ELK4: variants seen among roughly 807,000 people sequenced by gnomAD.
ELK4 encodes ETS transcription factor ELK4, also known as ETS domain-containing protein Elk-4.
In ELK4, 16 loss-of-function variants were observed where a neutral mutation model predicts 29.6. The ratio of observed to expected loss-of-function variants is 0.54; its 90% confidence interval spans 0.37 to 0.82. The LOEUF (loss-of-function observed/expected upper bound fraction) is 0.82, where lower values mean the gene tolerates loss of function less well. Among genes scored for constraint, ELK4 ranks in the 40% least tolerant of loss-of-function variants. ELK4 has a pLI of 0.00. For synonymous variants in ELK4, 213 were observed against 191.1 expected, an observed-to-expected ratio of 1.11 and a Z score of -0.95; for missense variants, 465 against 507.1, an observed-to-expected ratio of 0.92 and a Z score of 0.80.
At chr1:205,620,894 G>C in intron 2 of ELK4, 56 bp from the exon 3 acceptor site, 2 of 1,506,166 alleles carry the variant, frequency 1.3e-6, no homozygotes, top group South Asian at 1.3e-5. Flanking sequence ...ATATCCCATA[G>C]TTCATGAAAA....
chr1:205,625,040 A>C (rs906506023), intron 1 of ELK4, among the ~76,000 whole-genome samples: 1 of 152,210 alleles, frequency 6.6e-6, no homozygotes, highest in African/African-American at 2.4e-5. Context: ...ACAAAAAAAA[A>C]CAAAAACAAA....
intron 4 of ELK4, among the ~76,000 whole-genome samples, chr1:205,617,069 G>T (rs1670242999): frequency 6.6e-6 from 1 of 152,066 alleles, no homozygotes; most frequent in Non-Finnish European, 1.5e-5. Flanking sequence ...CTAGAAAAGG[G>T]TTCCCCATCA....
rs945499614 is a variant in ELK4, at chr1:205,611,071, A to C, written c.*5475T>G. On this transcript the variant is annotated 3_prime_UTR_variant, in exon 5 of 5. Transcript: ENST00000357992. ...ATTTCCTGTTTTCTGTAGAAAGCTT[A>C]GAGCCAGTATTTCCCCTCTCATACA... 3.7e-5 allele frequency: 8 copies of C among 217,056 alleles called. No individual in the cohort carries two copies. In the Admixed American group the frequency reaches 4.6e-4, roughly 13 times the overall value. 13.4% of individuals were successfully genotyped at this position (217,056 alleles called of 1,614,324 possible).
At position 205,609,603 on chromosome 1, in the gene ELK4, G is replaced by C. The variant is rs957842940; in HGVS notation, c.*6943C>G. ...CACTTAAACAATAAATGTAAGCAAT[G>C]AATGTACATACAAAGGCCACTGGTT... On this transcript the variant is annotated 3_prime_UTR_variant, in exon 5 of 5. Coordinates refer to ENST00000357992, the MANE Select transcript of ELK4 (RefSeq NM_001973.4). 5.0e-6 allele frequency: 1 copy of C among 201,960 alleles called. No individual in the cohort carries two copies. Among genetic ancestry groups the C allele is most frequent in the Non-Finnish European group, 1.0e-5 (1 of 98,062 alleles). The allele number at this position is 201,960 out of a possible 1,614,324, so 12.5% of individuals were successfully genotyped here. A position where few individuals can be genotyped will look rare whatever the true frequency, so the allele number is the denominator to read the frequency against.
chr1:205,626,331 T>C (rs1280677174), intron 1 of ELK4, among the ~76,000 whole-genome samples: 1 of 152,200 alleles, frequency 6.6e-6, no homozygotes, highest in African/African-American at 2.4e-5. Context: ...TGGCATCTCG[T>C]ACCTCTCCTT....
Position 205,620,018 on chromosome 1 carries a change from A to T in ELK4, c.1028T>A (p.Ile343Lys), listed in dbSNP as rs1365938777. The part of the protein sequence containing the change: ...ITSSDPSPLG[I>K]LSPSLPTASL... ...AGCTGTAGGGAGAGATGGGCTCAGT[A>T]TTCCCAGTGGGCTTGGATCACTGCT... Residue 343 changes from isoleucine (I) to lysine (K), a missense_variant, in exon 3 of 5, where the codon ATA (isoleucine) becomes AAA (lysine). Ile to Lys is a moderately radical substitution (Grantham distance 102, BLOSUM62 -3). Transcript: ENST00000357992. The T allele has an allele frequency of 6.2e-7, 1 of 1,614,260 alleles. No individual in the cohort carries two copies. The highest frequency in any genetic ancestry group is 8.5e-7 in the Non-Finnish European group (1 of 1,180,048).
At chr1:205,626,079 CA>C in intron 1 of ELK4, 1 of 1,013,362 alleles carries the variant, frequency 9.9e-7, no homozygotes, top group Non-Finnish European at 1.6e-6. Context: ...CACAATGGGT[CA>C]GCTCTACCAG....
rs1670476649 is a variant in ELK4, at chr1:205,626,923, G to A, written c.-9-3032C>T. Among the ~76,000 whole-genome samples the A allele has an allele frequency of 3.9e-5, 6 of 152,254 alleles. No individual in the cohort carries two copies. The South Asian group carries it at 1.2e-3, about 32-fold the overall frequency. On this transcript the variant is annotated intron_variant, in intron 1 of 4. Coordinates refer to ENST00000357992, the MANE Select transcript of ELK4 (RefSeq NM_001973.4). ...CTAAATGTCCGTCAACTGATGAATG[G>A]ATAAATAATATGTGGCACATTCATA...
At chr1:205,627,201 G>A (rs1670482650) in intron 1 of ELK4, among the ~76,000 whole-genome samples, 1 of 152,104 alleles carries the variant, frequency 6.6e-6, no homozygotes, top group South Asian at 2.1e-4. Context: ...GGTTTCTTTT[G>A]GGGGTGATGA....
chr1:205,625,546 C>A (rs900925265), intron 1 of ELK4: 2 of 816,108 alleles, frequency 2.5e-6, no homozygotes, highest in Non-Finnish European at 4.4e-6. Flanking sequence ...AGCAAGAAGA[C>A]TGGAAAGAAA....
chr1:205,623,847 A>T lies in ELK4; in HGVS notation c.36T>A (p.Leu12=). The T allele has an allele frequency of 6.2e-7, 1 of 1,614,214 alleles. No homozygotes were observed. Among genetic ancestry groups the T allele is most frequent in the South Asian group, 1.1e-5 (1 of 91,088 alleles). ...DSAITLWQFL[L]QLLQKPQNKH... is the part of the protein sequence containing the mutation. ...TGTTCTGAGGCTTCTGCAGGAGCTG[A>T]AGAAGGAACTGCCACAGGGTGATAG... Residue 12 remains leucine (L), a synonymous_variant, in exon 2 of 5, where the codon CTT becomes CTA. Coordinates refer to ENST00000357992, the MANE Select transcript of ELK4 (RefSeq NM_001973.4).
At position 205,609,802 on chromosome 1, in the gene ELK4, C is replaced by G. The variant is rs1670126699; in HGVS notation, c.*6744G>C. 4.6e-6 allele frequency: 1 copy of G among 216,040 alleles called. No individual in the cohort carries two copies. The highest frequency in any genetic ancestry group is 1.9e-4 in the South Asian group (1 of 5,380). The allele number at this position is 216,040 out of a possible 1,614,324, so 13.4% of individuals were successfully genotyped here. A position where few individuals can be genotyped will look rare whatever the true frequency, so the allele number is the denominator to read the frequency against. ...AAAAATCGTAAATTTCTACAAAGCA[C>G]AATATTAAAAGCTTGCAAATTATTT... On this transcript the variant is annotated 3_prime_UTR_variant, in exon 5 of 5. Transcript: ENST00000357992.
At chr1:205,620,883 T>C in intron 2 of ELK4, 45 bp from the exon 3 acceptor site, 1 of 1,533,898 alleles carries the variant, frequency 6.5e-7, no homozygotes. Flanking sequence ...CTTATAAACT[T>C]ATATCCCATA....
intron 4 of ELK4, among the ~76,000 whole-genome samples, chr1:205,617,727 C>T (rs1285969503): frequency 6.6e-6 from 1 of 151,792 alleles, no homozygotes; most frequent in East Asian, 1.9e-4. Flanking sequence ...CATGAAGAAA[C>T]CTCGTCTCTA....
At chr1:205,627,303 A>C (rs1318919626) in intron 1 of ELK4, among the ~76,000 whole-genome samples, 1 of 152,108 alleles carries the variant, frequency 6.6e-6, no homozygotes, top group African/African-American at 2.4e-5. Flanking sequence ...AGGTCAGAAG[A>C]TCGAGACCAT....
In ELK4 at chr1:205,616,201, A is replaced by T; in HGVS notation, c.*345T>A. 3.8e-6 allele frequency: 1 copy of T among 265,808 alleles called. No homozygotes were observed. Among genetic ancestry groups the T allele is most frequent in the Admixed American group, 4.8e-5 (1 of 21,028 alleles). 16.5% of individuals were successfully genotyped at this position (265,808 alleles called of 1,614,324 possible). A position where few individuals can be genotyped will look rare whatever the true frequency, so the allele number is the denominator to read the frequency against. On this transcript the variant is annotated 3_prime_UTR_variant, in exon 5 of 5. Coordinates refer to ENST00000357992, the MANE Select transcript of ELK4 (RefSeq NM_001973.4). The stretch of plus-strand genomic sequence containing the variant: ...AGCCAGAAGGAGTAACTTTGTTCTT[A>T]ATTGCTTTTGCAAAGCACAGTCACT...
Position 205,613,004 on chromosome 1 carries a change from A to G in ELK4, c.*3542T>C, listed in dbSNP as rs1362218227. On this transcript the variant is annotated 3_prime_UTR_variant, in exon 5 of 5. Transcript: ENST00000357992. ...TAAGAAGCTTACGGTTGACCTTTCAAGGGCCTCTAATTCTTTTTTTTTTTT... is the reference window on the plus strand; with the variant it reads ...TAAGAAGCTTACGGTTGACCTTTCAGGGGCCTCTAATTCTTTTTTTTTTTT... The G allele has an allele frequency of 1.4e-5, 3 of 207,640 alleles. No individual in the cohort carries two copies. Among genetic ancestry groups the G allele is most frequent in the Non-Finnish European group, 2.9e-5 (3 of 102,282 alleles). 12.9% of individuals were successfully genotyped at this position (207,640 alleles called of 1,614,324 possible).
chr1:205,623,585 G>C (rs1427328429), intron 2 of ELK4, 91 bp downstream of exon 2: 33 of 1,447,628 alleles, frequency 2.3e-5, no homozygotes, highest in Non-Finnish European at 3.1e-5. Context: ...AAAGTGCTGG[G>C]ATTACAGGCG....
At chr1:205,621,112 T>C (rs1456613322) in intron 2 of ELK4, among the ~76,000 whole-genome samples, 1 of 148,894 alleles carries the variant, frequency 6.7e-6, no homozygotes. Flanking sequence ...GGTGAATCCC[T>C]TGAACCCGGG....
Sources: allele counts gnomAD v4.1 joint callset (sites outside exome capture counted in the v4.1 genomes callset), GRCh38; gene constraint gnomAD v4.1.1; transcripts MANE v1.5; gene names NCBI Gene and HGNC (gene_info 2026-07-23, HGNC 2026-07-21).